ADCY5: variants seen among roughly 807,000 people sequenced by gnomAD.
ADCY5 encodes adenylate cyclase 5, also known as adenylate cyclase type 5.
Under a neutral mutation model 119.7 loss-of-function variants are expected in ADCY5, and 30 were observed. The observed-to-expected ratio is 0.25, with a 90% CI of 0.19 to 0.34. The LOEUF is 0.34. Among genes scored for constraint, ADCY5 ranks in the 10% least tolerant of loss-of-function variants. The pLI, the probability that ADCY5 is intolerant of heterozygous loss-of-function variation, is 1.00. For synonymous variants in ADCY5, 753 were observed against 762.2 expected, an observed-to-expected ratio of 0.99 and a Z score of 0.20; for missense variants, 1,324 against 1,775.2, an observed-to-expected ratio of 0.75 and a Z score of 4.57.
chr3:123,362,774 C>T (rs1346383320), intron 1 of ADCY5, among the ~76,000 whole-genome samples: 2 of 152,120 alleles, frequency 1.3e-5, no homozygotes, highest in African/African-American at 2.4e-5. Flanking sequence ...ACATTCAGTT[C>T]GCAAAGAATA....
intron 2 of ADCY5, among the ~76,000 whole-genome samples, chr3:123,350,216 G>A (rs1942769410): frequency 1.3e-5 from 2 of 152,168 alleles, no homozygotes; most frequent in South Asian, 2.1e-4. Flanking sequence ...TCCCCCACTC[G>A]CTGAAACGCC....
At chr3:123,359,667 A>AG (rs1409007307) in intron 1 of ADCY5, among the ~76,000 whole-genome samples, 1 of 152,166 alleles carries the variant, frequency 6.6e-6, no homozygotes, top group East Asian at 1.9e-4. Flanking sequence ...GGACCACCTC[A>AG]GGGACCCTGG....
At chr3:123,311,504 A>C (rs538799562) in intron 12 of ADCY5, among the ~76,000 whole-genome samples, 6 of 152,314 alleles carry the variant, frequency 3.9e-5, no homozygotes, top group Non-Finnish European at 8.8e-5. Context: ...AACATAAAAG[A>C]GGGAAGAAGA....
In ADCY5 at chr3:123,318,083, T is replaced by C. The variant is rs772725373; in HGVS notation, c.2291A>G (p.Tyr764Cys). ...GAAGACGAGCGAGGCACACGCCACA[T>C]AGGCACCAAATCGGTCGTCTACCTG... The part of the protein sequence containing the change: ...SKQVDDRFGA[Y>C]VACASLVFLF... Residue 764 changes from tyrosine (Y) to cysteine (C), a missense_variant, in exon 11 of 21, where the codon TAT becomes TGT. This residue lies in a region of ADCY5 where 424 missense variants were observed against 546.8 expected (regional missense o/e 0.78). Coordinates refer to ENST00000462833, the MANE Select transcript of ADCY5 (RefSeq NM_183357.3). 1.1e-5 allele frequency: 18 copies of C among 1,613,640 alleles called. No individual in the cohort carries two copies. The highest frequency in any genetic ancestry group is 1.6e-4 in the Middle Eastern group (1 of 6,068).
chr3:123,302,418 T>C (rs1939899914), intron 14 of ADCY5, among the ~76,000 whole-genome samples: 1 of 152,210 alleles, frequency 6.6e-6, no homozygotes, highest in African/African-American at 2.4e-5. Context: ...TACACATCGG[T>C]GAACACACTA....
Position 123,320,816 on chromosome 3 carries a change from G to A in ADCY5, c.2089-45C>T, listed in dbSNP as rs138618869. ...AGAGAAAGAGAAGAGAATGAGAACA[G>A]AGAGAACTGAAAGCTCAGAGGCGTC... On this transcript the variant is annotated intron_variant, in intron 8 of 20. Coordinates refer to ENST00000462833, the MANE Select transcript of ADCY5 (RefSeq NM_183357.3). 6.8e-6 allele frequency: 10 copies of A among 1,469,356 alleles called. No individual in the cohort carries two copies. In the African/African-American group the frequency reaches 1.4e-4, roughly 20 times the overall value. 91.0% of individuals were successfully genotyped at this position (1,469,356 alleles called of 1,614,324 possible).
chr3:123,441,116 G>A (rs1024717912), intron 1 of ADCY5, among the ~76,000 whole-genome samples: 1 of 152,162 alleles, frequency 6.6e-6, no homozygotes, highest in East Asian at 1.9e-4. Flanking sequence ...TGTAACCTGA[G>A]CCGTCTTCTT....
At chr3:123,311,585 C>A (rs1368962942) in intron 12 of ADCY5, among the ~76,000 whole-genome samples, 1 of 152,324 alleles carries the variant, frequency 6.6e-6, no homozygotes, top group African/African-American at 2.4e-5. Context: ...AGAAAGCGGA[C>A]AAACCCTGAG....
chr3:123,434,978 T>C (rs567645480), intron 1 of ADCY5, among the ~76,000 whole-genome samples: 3 of 152,248 alleles, frequency 2.0e-5, no homozygotes, highest in African/African-American at 7.2e-5. Flanking sequence ...CCACACACAG[T>C]AAGAGCTTAA....
rs1039236365 is a variant in ADCY5 at position 123,352,085 on chromosome 3, C to T, written c.1284+347G>A. On this transcript the variant is annotated intron_variant, in intron 2 of 20. Coordinates refer to ENST00000462833, the MANE Select transcript of ADCY5 (RefSeq NM_183357.3). The surrounding 1 kb of genome is among the most constrained non-coding windows in gnomAD (Gnocchi z 4.8). ...CTTCTCTCCTTACTCCAACTCAAGG[C>T]GGGGTGCAGTGCGGGGAGGGAGTGG... Among the ~76,000 whole-genome samples the T allele has an allele frequency of 4.1e-4, 62 of 152,028 alleles. No homozygotes were observed. Among genetic ancestry groups the T allele is most frequent in the African/African-American group, 1.4e-3 (56 of 41,392 alleles).
chr3:123,350,528 C>T (rs1942786480), intron 2 of ADCY5, among the ~76,000 whole-genome samples: 1 of 152,204 alleles, frequency 6.6e-6, no homozygotes, highest in Admixed American at 6.5e-5. Context: ...TTTACAACCA[C>T]CTCTGGGGCT....
chr3:123,402,667 G>A (rs1167421534), intron 1 of ADCY5, among the ~76,000 whole-genome samples: 1 of 151,966 alleles, frequency 6.6e-6, no homozygotes, highest in Admixed American at 6.5e-5. Flanking sequence ...TGGCTAACAC[G>A]GTGAAACCCC....
Position 123,283,549 on chromosome 3 carries a change from ATGGTACCCC to A in ADCY5, c.*1050_*1058del, listed in dbSNP as rs1938515226. On this transcript the variant is annotated 3_prime_UTR_variant, in exon 21 of 21. Transcript: ENST00000462833. ...GCATCCTCCTACTTAATCTGAGCAT[ATGGTACCCC>A]AAAAGCACACACCCACTGCTCTGGT... 6.6e-5 allele frequency: 10 copies of A among 152,222 alleles called. No individual in the cohort carries two copies. Among genetic ancestry groups the A allele is most frequent in the African/African-American group, 1.7e-4 (7 of 41,430 alleles). 9.4% of individuals were successfully genotyped at this position (152,222 alleles called of 1,614,324 possible). A position where few individuals can be genotyped will look rare whatever the true frequency, so the allele number is the denominator to read the frequency against.
intron 1 of ADCY5, among the ~76,000 whole-genome samples, chr3:123,401,723 C>T (rs906412172): frequency 6.6e-6 from 1 of 152,156 alleles, no homozygotes; most frequent in Non-Finnish European, 1.5e-5. Flanking sequence ...AACTTTTCCC[C>T]AAACTTTCCA....
At chr3:123,336,676 G>T (rs1942043635) in intron 3 of ADCY5, among the ~76,000 whole-genome samples, 1 of 152,266 alleles carries the variant, frequency 6.6e-6, no homozygotes, top group East Asian at 1.9e-4. Context: ...GTGGTCCCAG[G>T]GGCTCCCCTG....
chr3:123,433,431 A>G (rs1008423480), intron 1 of ADCY5, among the ~76,000 whole-genome samples: 3 of 152,266 alleles, frequency 2.0e-5, no homozygotes, highest in African/African-American at 4.8e-5. Flanking sequence ...ACTAGGGCAC[A>G]CTAAGTGAAC....
At chr3:123,290,034 G>A in intron 18 of ADCY5, 80 bp from the exon 19 acceptor site, 4 of 1,430,834 alleles carry the variant, frequency 2.8e-6, no homozygotes, top group Non-Finnish European at 3.9e-6. Context: ...GATGTCCAGG[G>A]AAGTGCAGCA....
rs144806799 is a variant in ADCY5 at position 123,408,878 on chromosome 3, G to A, written c.1134+38534C>T. 6.6e-3 allele frequency among the ~76,000 whole-genome samples: 997 copies of A among 151,648 alleles called. 7 individuals are homozygous for A. The highest frequency in any genetic ancestry group is 0.022 in the African/African-American group (917 of 41,290). The stretch of plus-strand genomic sequence containing the variant: ...GTAATCCAGCTACTAGGGAGGCTGA[G>A]ACAGGAGAATCGTTTGAACCCAGGA... On this transcript the variant is annotated intron_variant, in intron 1 of 20. Transcript: ENST00000462833.
intron 1 of ADCY5, among the ~76,000 whole-genome samples, chr3:123,399,211 A>T (rs958293781): frequency 2.0e-5 from 3 of 152,244 alleles, no homozygotes; most frequent in Non-Finnish European, 4.4e-5. Context: ...ATGTAAAGTC[A>T]CCCACACGTA....
Sources: gnomAD v4.1 joint callset for allele counts (sites outside exome capture counted in the v4.1 genomes callset) on GRCh38, gnomAD v4.1.1 for gene constraint, gnomAD v4.1.1 regional missense constraint, Gnocchi (gnomAD v3.1) non-coding constraint, MANE v1.5 for transcripts, NCBI Gene and HGNC (gene_info 2026-07-23, HGNC 2026-07-21) for gene names.